Variants in NDUFA9 observed in about 807,000 individuals in gnomAD.
The protein encoded by NDUFA9 is NADH dehydrogenase [ubiquinone] 1 alpha subcomplex subunit 9, mitochondrial.
NDUFA9 carries 23 observed loss-of-function variants against 45.9 expected under a neutral mutation model. That is an observed-to-expected ratio of 0.50 (90% CI 0.36 to 0.71). The LOEUF (loss-of-function observed/expected upper bound fraction) is 0.71. NDUFA9 is among the 30% of genes least tolerant of loss of function. The pLI, the probability that NDUFA9 is intolerant of heterozygous loss-of-function variation, is 0.00. For synonymous variants in NDUFA9, 176 were observed against 170.5 expected, an observed-to-expected ratio of 1.03 and a Z score of -0.25; for missense variants, 466 against 488.2, an observed-to-expected ratio of 0.95 and a Z score of 0.43.
chr12:4,658,524 T>C (rs1323033122), intron 4 of NDUFA9, among the ~76,000 whole-genome samples: 1 of 152,216 alleles, frequency 6.6e-6, no homozygotes, highest in African/African-American at 2.4e-5. Flanking sequence ...TTTCTTTTTT[T>C]TCCCTTGCGG....
chr12:4,682,536 A>G (rs1945959885), intron 9 of NDUFA9, among the ~76,000 whole-genome samples: 1 of 152,228 alleles, frequency 6.6e-6, no homozygotes, highest in Admixed American at 6.5e-5. Context: ...CCCAAAAGTG[A>G]AGATGCAGTT....
Position 4,669,727 on chromosome 12 carries a change from A to G in NDUFA9, c.724-14A>G. 6.6e-7 allele frequency: 1 copy of G among 1,522,318 alleles called. No individual in the cohort carries two copies. Among genetic ancestry groups the G allele is most frequent in the Non-Finnish European group, 9.1e-7 (1 of 1,097,858 alleles). 94.3% of individuals were successfully genotyped at this position (1,522,318 alleles called of 1,614,324 possible). A position where few individuals can be genotyped will look rare whatever the true frequency, so the allele number is the denominator to read the frequency against. ...TTCAACAATTACTTAGACATATATT[A>G]TAATTTCTTACAGGTCGTAGATGTA... On this transcript the variant is annotated splice_polypyrimidine_tract_variant and intron_variant, in intron 7 of 10. Coordinates refer to ENST00000266544, the MANE Select transcript of NDUFA9 (RefSeq NM_005002.5).
intron 3 of NDUFA9, among the ~76,000 whole-genome samples, chr12:4,656,580 T>C (rs1945792103): frequency 1.3e-5 from 2 of 152,236 alleles, no homozygotes; most frequent in Non-Finnish European, 2.9e-5. Flanking sequence ...GAGGTGCTGA[T>C]TTCCCCGCTT....
intron 5 of NDUFA9, among the ~76,000 whole-genome samples, chr12:4,662,029 A>G (rs976556903): frequency 2.0e-5 from 3 of 152,194 alleles, no homozygotes; most frequent in Non-Finnish European, 2.9e-5. Flanking sequence ...TTCATCGAAC[A>G]AGAAGACTTG....
chr12:4,670,747 A>G (rs543698235), intron 8 of NDUFA9, among the ~76,000 whole-genome samples: 1 of 152,342 alleles, frequency 6.6e-6, no homozygotes, highest in East Asian at 1.9e-4. Flanking sequence ...AGTTTGGTAC[A>G]TTAGCATGCA....
intron 5 of NDUFA9, 53 bp downstream of exon 5, chr12:4,659,230 C>T (rs1945809639): frequency 1.4e-6 from 2 of 1,478,064 alleles, no homozygotes; most frequent in African/African-American, 1.4e-5. Context: ...GTTTCTTGGG[C>T]CATTTGAAAC....
intron 3 of NDUFA9, among the ~76,000 whole-genome samples, chr12:4,656,809 G>A (rs887497158): frequency 1.3e-5 from 2 of 152,218 alleles, no homozygotes; most frequent in Non-Finnish European, 2.9e-5. Context: ...TACAAAGTTA[G>A]TATATGGCAA....
At chr12:4,674,950 C>T (rs1340954461) in intron 8 of NDUFA9, among the ~76,000 whole-genome samples, 3 of 152,100 alleles carry the variant, frequency 2.0e-5, no homozygotes, top group East Asian at 3.9e-4. Context: ...TGCGAAAGAA[C>T]AGAAATCATA....
intron 1 of NDUFA9, chr12:4,653,483 G>C (rs539223812): frequency 8.1e-5 from 28 of 344,930 alleles, no homozygotes; most frequent in African/African-American, 6.1e-4. Flanking sequence ...TTGCACACAT[G>C]CTGTAGAGAA....
intron 6 of NDUFA9, among the ~76,000 whole-genome samples, chr12:4,666,394 G>A (rs1319457892): frequency 2.0e-5 from 3 of 152,090 alleles, no homozygotes; most frequent in Non-Finnish European, 4.4e-5. Flanking sequence ...TTTTGATGTA[G>A]TCAGGCTTAT....
intron 9 of NDUFA9, among the ~76,000 whole-genome samples, chr12:4,684,396 C>T (rs1239844496): frequency 1.3e-5 from 2 of 152,146 alleles, no homozygotes; most frequent in African/African-American, 2.4e-5. Context: ...TGATACTCAA[C>T]GCATGTACTC....
chr12:4,684,117 G>T (rs1591550992), intron 9 of NDUFA9, among the ~76,000 whole-genome samples: 1 of 152,186 alleles, frequency 6.6e-6, no homozygotes, highest in Non-Finnish European at 1.5e-5. Flanking sequence ...CATAGAATGA[G>T]GGCACAGAGA....
chr12:4,669,040 G>C (rs960457121), intron 7 of NDUFA9, among the ~76,000 whole-genome samples: 12 of 152,182 alleles, frequency 7.9e-5, no homozygotes, highest in African/African-American at 2.9e-4. Context: ...ATATACAGGG[G>C]CCCAGAGGTG....
intron 9 of NDUFA9, among the ~76,000 whole-genome samples, chr12:4,683,504 T>A (rs1283406290): frequency 6.6e-6 from 1 of 152,116 alleles, no homozygotes; most frequent in East Asian, 1.9e-4. Flanking sequence ...CAACAAAAAC[T>A]CAAAAATCTT....
chr12:4,682,370 C>T, intron 9 of NDUFA9, 70 bp downstream of exon 9: 1 of 1,196,908 alleles, frequency 8.4e-7, no homozygotes, highest in Middle Eastern at 1.9e-4. Context: ...TAATGTTCTC[C>T]CTTAGGGTTA....
intron 8 of NDUFA9, among the ~76,000 whole-genome samples, chr12:4,671,248 A>G (rs570004143): frequency 3.9e-5 from 6 of 152,192 alleles, no homozygotes; most frequent in Non-Finnish European, 7.4e-5. Context: ...ACCTATTGAT[A>G]CACACTCATA....
At chr12:4,684,974 C>G in intron 9 of NDUFA9, 1 of 594,280 alleles carries the variant, frequency 1.7e-6, no homozygotes, top group South Asian at 2.1e-5. Context: ...TTTCTGTTTG[C>G]TTTGTTGTTT....
chr12:4,674,081 G>A (rs1269020128), intron 8 of NDUFA9, among the ~76,000 whole-genome samples: 1 of 152,172 alleles, frequency 6.6e-6, no homozygotes, highest in African/African-American at 2.4e-5. Context: ...CTTCATAAGT[G>A]AAGGAGAAAT....
At chr12:4,653,218 CAG>C (rs1391353661) in intron 1 of NDUFA9, among the ~76,000 whole-genome samples, 1 of 152,206 alleles carries the variant, frequency 6.6e-6, no homozygotes, top group Non-Finnish European at 1.5e-5. Flanking sequence ...TTTGACAGGA[CAG>C]GGAATGTTTA....
Sources: gnomAD v4.1 joint callset for allele counts (sites outside exome capture counted in the v4.1 genomes callset) on GRCh38, gnomAD v4.1.1 for gene constraint, MANE v1.5 for transcripts, NCBI Gene and HGNC (gene_info 2026-07-23, HGNC 2026-07-21) for gene names.